Variants in FBXO25 observed in about 807,000 individuals in gnomAD.
The protein encoded by FBXO25 is F-box protein 25.
Under a neutral mutation model 51.9 loss-of-function variants are expected in FBXO25, and 45 were observed. The observed-to-expected ratio is 0.87, with a 90% CI of 0.68 to 1.11. The LOEUF (loss-of-function observed/expected upper bound fraction) is 1.11. FBXO25 is among the 50% of genes most tolerant of loss of function. FBXO25 has a pLI of 0.00. For synonymous variants in FBXO25, 199 were observed against 151.0 expected (o/e 1.32, Z -2.33); for missense variants, 507 against 428.5 (o/e 1.18, Z -1.62).
At chr8:467,835 C>A in intron 9 of FBXO25, 1 of 1,599,600 alleles carries the variant, frequency 6.3e-7, no homozygotes, top group South Asian at 1.1e-5. Context: ...GGCCACTGCC[C>A]GGCTCGATTC....
rs575278185 is a variant in FBXO25, at chr8:474,393, G to A, written c.*5589G>A. On this transcript the variant is annotated 3_prime_UTR_variant, in exon 10 of 10. Transcript: ENST00000350302. ...TTTAGCTATTGTGAATATTGCTGCC[G>A]TAAACATGGGTGTGCAAATATCTGA... 56 of 266,612 alleles carry A rather than the reference G, an allele frequency of 2.1e-4. No homozygotes were observed. The highest frequency in any genetic ancestry group is 1.3e-3 in the South Asian group (31 of 24,594). 16.5% of individuals were successfully genotyped at this position (266,612 alleles called of 1,614,324 possible).
chr8:461,831 G>C (rs150639333), intron 8 of FBXO25, among the ~76,000 whole-genome samples: 6 of 152,270 alleles, frequency 3.9e-5, no homozygotes, highest in Admixed American at 1.3e-4. Context: ...GAATAAATCA[G>C]AGCTTCATTC....
chr8:437,226 C>T (rs1300565559), intron 5 of FBXO25, among the ~76,000 whole-genome samples: 1 of 152,186 alleles, frequency 6.6e-6, no homozygotes, highest in Non-Finnish European at 1.5e-5. Context: ...CATATAAATG[C>T]ATAACTATAA....
At chr8:467,024 G>A (rs77507961) in intron 9 of FBXO25, among the ~76,000 whole-genome samples, 12,026 of 152,148 alleles carry the variant, frequency 0.079, 640 homozygotes, top group East Asian at 0.24. Context: ...GCCATCTGAC[G>A]TTCACCCCAC....
chr8:423,950 C>T (rs562051398), intron 2 of FBXO25, among the ~76,000 whole-genome samples: 4 of 152,244 alleles, frequency 2.6e-5, no homozygotes, highest in African/African-American at 9.6e-5. Flanking sequence ...GCCTTGCCAG[C>T]ATCTGTTGTC....
At chr8:409,140 C>G (rs1320582421) in intron 1 of FBXO25, among the ~76,000 whole-genome samples, 3 of 152,136 alleles carry the variant, frequency 2.0e-5, no homozygotes, top group Non-Finnish European at 4.4e-5. Context: ...AACTTGAGAT[C>G]CAGACCCCAG....
chr8:410,972 T>C (rs1322083085), intron 1 of FBXO25, among the ~76,000 whole-genome samples: 1 of 152,320 alleles, frequency 6.6e-6, no homozygotes, highest in Admixed American at 6.5e-5. Context: ...CCTTCCTTTT[T>C]TTTCTGTATC....
intron 1 of FBXO25, chr8:407,489 G>T (rs1023394705): frequency 1.0e-6 from 1 of 956,100 alleles, no homozygotes; most frequent in Non-Finnish European, 1.2e-6. Context: ...GGGCACGGGG[G>T]CCGCCCACAG....
At chr8:428,600 G>A (rs1797634512) in intron 2 of FBXO25, among the ~76,000 whole-genome samples, 1 of 152,150 alleles carries the variant, frequency 6.6e-6, no homozygotes, top group Admixed American at 6.5e-5. Flanking sequence ...GTGGTGTTAA[G>A]TACATTCACA....
At chr8:424,083 C>G (rs546822570) in intron 2 of FBXO25, among the ~76,000 whole-genome samples, 6 of 146,474 alleles carry the variant, frequency 4.1e-5, no homozygotes, top group Non-Finnish European at 8.9e-5. Flanking sequence ...ACTTGTATAT[C>G]TTGTTTGAGA....
intron 2 of FBXO25, among the ~76,000 whole-genome samples, chr8:420,662 G>A (rs991516553): frequency 6.6e-6 from 1 of 152,240 alleles, no homozygotes; most frequent in Non-Finnish European, 1.5e-5. Flanking sequence ...GTTTTGCTTA[G>A]TGAAAGAAAC....
chr8:440,044 G>A (rs1048412255), intron 5 of FBXO25, among the ~76,000 whole-genome samples: 11 of 152,140 alleles, frequency 7.2e-5, no homozygotes, highest in African/African-American at 1.2e-4. Flanking sequence ...TCACAGCAGC[G>A]CATGGGAAAG....
intron 2 of FBXO25, among the ~76,000 whole-genome samples, chr8:415,376 G>A (rs1209321450): frequency 1.3e-5 from 2 of 152,200 alleles, no homozygotes; most frequent in African/African-American, 2.4e-5. Context: ...CAGCCAGCCA[G>A]TTCATACTCT....
intron 2 of FBXO25, among the ~76,000 whole-genome samples, chr8:416,443 C>A (rs550989982): frequency 3.9e-5 from 6 of 152,344 alleles, no homozygotes; most frequent in Admixed American, 3.3e-4. Context: ...CTGAGATATT[C>A]CGAACAGAGG....
intron 2 of FBXO25, among the ~76,000 whole-genome samples, chr8:419,373 A>C (rs746527210): frequency 4.6e-5 from 7 of 152,170 alleles, no homozygotes; most frequent in Non-Finnish European, 1.0e-4. Flanking sequence ...CCATCTCAAA[A>C]AGAAAAAAGA....
At chr8:420,039 G>T (rs1370434693) in intron 2 of FBXO25, among the ~76,000 whole-genome samples, 1 of 152,146 alleles carries the variant, frequency 6.6e-6, no homozygotes, top group African/African-American at 2.4e-5. Flanking sequence ...AGCATGTGAT[G>T]CCCAACTTAA....
At chr8:461,177 G>C (rs989310146) in intron 8 of FBXO25, among the ~76,000 whole-genome samples, 4 of 152,156 alleles carry the variant, frequency 2.6e-5, no homozygotes, top group Admixed American at 6.5e-5. Flanking sequence ...AAGTCACTCT[G>C]TAATACTGAT....
At chr8:413,019 AAG>A in intron 1 of FBXO25, 52 bp from the exon 2 acceptor site, 2 of 1,265,192 alleles carry the variant, frequency 1.6e-6, no homozygotes, top group African/African-American at 3.3e-5. Flanking sequence ...TCTAAGTGAA[AAG>A]AAACTTTTAT....
intron 5 of FBXO25, among the ~76,000 whole-genome samples, chr8:442,306 A>G (rs1013226369): frequency 6.6e-6 from 1 of 151,694 alleles, no homozygotes; most frequent in Non-Finnish European, 1.5e-5. Context: ...TTTTTACCAC[A>G]GTTAAACTCC....
Sources: allele counts gnomAD v4.1 joint callset (sites outside exome capture counted in the v4.1 genomes callset), GRCh38; gene constraint gnomAD v4.1.1; transcripts MANE v1.5; gene names NCBI Gene and HGNC (gene_info 2026-07-23, HGNC 2026-07-21).